Variants in PDE4D observed in about 807,000 individuals in gnomAD.
PDE4D encodes 3',5'-cyclic-AMP phosphodiesterase 4D.
PDE4D carries 24 observed loss-of-function variants against 87.4 expected under a neutral mutation model. The observed-to-expected ratio is 0.27, with a 90% CI of 0.20 to 0.39. The LOEUF (loss-of-function observed/expected upper bound fraction) is 0.39, where lower values mean the gene tolerates loss of function less well. Ranked by LOEUF, PDE4D falls within the 10% of genes least tolerant of loss-of-function variation. The pLI is 1.00. For synonymous variants in PDE4D, 384 were observed against 383.2 expected, an observed-to-expected ratio of 1.00 and a Z score of -0.02; for missense variants, 714 against 1,041.0, an observed-to-expected ratio of 0.69 and a Z score of 4.32.
chr5:59,302,780 T>C (rs995767608), intron 1 of PDE4D, among the ~76,000 whole-genome samples: 16 of 152,316 alleles, frequency 1.1e-4, no homozygotes, highest in African/African-American at 3.8e-4. Context: ...TATCCACTTA[T>C]TGACTGATGG....
chr5:60,293,171 A>C (rs1345969412), intron 1 of PDE4D, among the ~76,000 whole-genome samples: 1 of 151,800 alleles, frequency 6.6e-6, no homozygotes, highest in Non-Finnish European at 1.5e-5. Context: ...TTCATAAGCC[A>C]CCCCTGTTGA....
chr5:60,290,145 C>T (rs1752761701), intron 1 of PDE4D, among the ~76,000 whole-genome samples: 1 of 152,108 alleles, frequency 6.6e-6, no homozygotes, highest in South Asian at 2.1e-4. Context: ...ATGTGGATTC[C>T]ATCTGACCAG....
chr5:59,933,779 T>C (rs1409847813), intron 3 of PDE4D, among the ~76,000 whole-genome samples: 1 of 107,222 alleles, frequency 9.3e-6, no homozygotes, highest in Non-Finnish European at 1.8e-5. Flanking sequence ...GAGATATATA[T>C]ATATATATAT....
intron 1 of PDE4D, among the ~76,000 whole-genome samples, chr5:59,711,754 T>C (rs887076992): frequency 1.1e-4 from 17 of 152,198 alleles, no homozygotes; most frequent in Non-Finnish European, 1.0e-4. Context: ...TTCTTTTGTA[T>C]ATTATGATAT....
intron 5 of PDE4D, among the ~76,000 whole-genome samples, chr5:59,085,108 C>G (rs1442797128): frequency 6.6e-6 from 1 of 152,058 alleles, no homozygotes; most frequent in African/African-American, 2.4e-5. Context: ...AGACTCTACA[C>G]AAAGATATTC....
chr5:59,582,743 T>C (rs552687676), intron 1 of PDE4D, among the ~76,000 whole-genome samples: 7 of 152,180 alleles, frequency 4.6e-5, no homozygotes, highest in African/African-American at 1.7e-4. Flanking sequence ...GAATTTAGGG[T>C]CCTAGAAGAA....
intron 1 of PDE4D, among the ~76,000 whole-genome samples, chr5:59,304,578 T>G (rs971610561): frequency 2.6e-5 from 4 of 152,062 alleles, no homozygotes; most frequent in Non-Finnish European, 4.4e-5. Flanking sequence ...CCTTGTATGC[T>G]GATTTTGCTG....
At chr5:59,167,926 T>C (rs78860289) in intron 5 of PDE4D, among the ~76,000 whole-genome samples, 1 of 152,108 alleles carries the variant, frequency 6.6e-6, no homozygotes, top group Non-Finnish European at 1.5e-5. Flanking sequence ...AAGTTCTCTA[T>C]GTGGACAGTT....
At chr5:59,003,248 T>C (rs2153355361) in intron 6 of PDE4D, among the ~76,000 whole-genome samples, 1 of 152,300 alleles carries the variant, frequency 6.6e-6, no homozygotes, top group South Asian at 2.1e-4. Context: ...CATCCCTCTG[T>C]AAATTCCAGA....
At chr5:59,868,725 C>T (rs1365701748) in intron 1 of PDE4D, among the ~76,000 whole-genome samples, 4 of 152,130 alleles carry the variant, frequency 2.6e-5, no homozygotes, top group South Asian at 2.1e-4. Context: ...CTTCTAGGAA[C>T]GACAGTTTAC....
At chr5:59,906,445 T>G (rs1288058376) in intron 3 of PDE4D, among the ~76,000 whole-genome samples, 1 of 152,172 alleles carries the variant, frequency 6.6e-6, no homozygotes, top group Non-Finnish European at 1.5e-5. Context: ...CTGTGGCTAT[T>G]AGACAAATTC....
At chr5:60,319,172 C>T (rs1755947713) in intron 1 of PDE4D, among the ~76,000 whole-genome samples, 2 of 152,168 alleles carry the variant, frequency 1.3e-5, no homozygotes, top group South Asian at 4.1e-4. Flanking sequence ...TTCTTGGAGG[C>T]TTTGTTTGTT....
chr5:60,462,446 G>C (rs1747023121), intron 1 of PDE4D, among the ~76,000 whole-genome samples: 1 of 152,176 alleles, frequency 6.6e-6, no homozygotes, highest in South Asian at 2.1e-4. Context: ...TGTGGAATAG[G>C]GGGGTCTTGT....
At chr5:59,597,068 C>T (rs1286714795) in intron 1 of PDE4D, among the ~76,000 whole-genome samples, 1 of 152,150 alleles carries the variant, frequency 6.6e-6, no homozygotes, top group Non-Finnish European at 1.5e-5. Context: ...CCCTGCTATA[C>T]TTGTTTCTGT....
At chr5:59,120,302 C>A (rs1311796150) in intron 5 of PDE4D, among the ~76,000 whole-genome samples, 1 of 152,168 alleles carries the variant, frequency 6.6e-6, no homozygotes, top group Non-Finnish European at 1.5e-5. Context: ...TTGTGTCCTA[C>A]CTTTCTTTGA....
intron 1 of PDE4D, among the ~76,000 whole-genome samples, chr5:59,762,457 T>C (rs1044344364): frequency 7.8e-6 from 1 of 127,650 alleles, no homozygotes; most frequent in African/African-American, 3.0e-5. Context: ...CACATATGTG[T>C]ATATGTGTAT....
intron 1 of PDE4D, among the ~76,000 whole-genome samples, chr5:60,359,871 A>T (rs995794255): frequency 6.6e-6 from 1 of 152,180 alleles, no homozygotes; most frequent in Non-Finnish European, 1.5e-5. Flanking sequence ...CCATGTTTCT[A>T]GTGCCATATT....
chr5:59,271,480 A>G (rs1763840332), intron 1 of PDE4D, among the ~76,000 whole-genome samples: 1 of 152,200 alleles, frequency 6.6e-6, no homozygotes. Context: ...TTTTCCTTCC[A>G]ACATATTAAT....
chr5:59,661,487 G>A (rs1265722000), intron 1 of PDE4D, among the ~76,000 whole-genome samples: 1 of 152,162 alleles, frequency 6.6e-6, no homozygotes, highest in African/African-American at 2.4e-5. Flanking sequence ...AGTGACATAT[G>A]ACTCTAGATG....
Sources: gnomAD v4.1 joint callset for allele counts (sites outside exome capture counted in the v4.1 genomes callset) on GRCh38, gnomAD v4.1.1 for gene constraint, MANE v1.5 for transcripts, NCBI Gene and HGNC (gene_info 2026-07-23, HGNC 2026-07-21) for gene names.